Variants in CPNE4 observed in about 807,000 individuals in gnomAD.
CPNE4 encodes copine-4.
CPNE4 carries 25 observed loss-of-function variants against 67.9 expected under a neutral mutation model. The observed-to-expected ratio is 0.37, with a 90% CI of 0.27 to 0.51. The LOEUF (loss-of-function observed/expected upper bound fraction) is 0.51, where lower values mean the gene tolerates loss of function less well. CPNE4 is among the 20% of genes least tolerant of loss of function. The probability of loss-of-function intolerance (pLI) is 0.93; values close to 1 mark genes in which losing one functional copy is unlikely to be tolerated. For missense variants in CPNE4, 464 were observed against 690.8 expected (o/e 0.67, Z 3.68); for synonymous variants, 242 against 244.9 (o/e 0.99, Z 0.11).
chr3:131,614,822 T>G (rs1940046593), intron 7 of CPNE4, among the ~76,000 whole-genome samples: 1 of 152,206 alleles, frequency 6.6e-6, no homozygotes, highest in Admixed American at 6.5e-5. Context: ...ATAGTTACCT[T>G]GTTCTTAATA....
chr3:131,885,526 T>C (rs2107728665), intron 2 of CPNE4, among the ~76,000 whole-genome samples: 1 of 151,674 alleles, frequency 6.6e-6, no homozygotes, highest in African/African-American at 2.4e-5. Context: ...ATATTTTAAA[T>C]TTTTTTTAAT....
intron 2 of CPNE4, among the ~76,000 whole-genome samples, chr3:131,853,602 T>C (rs1200817360): frequency 6.6e-6 from 1 of 151,810 alleles, no homozygotes; most frequent in Non-Finnish European, 1.5e-5. Flanking sequence ...ACTTTTTTTC[T>C]CTTAAAGGCA....
At chr3:131,606,405 T>C (rs1939506178) in intron 7 of CPNE4, among the ~76,000 whole-genome samples, 1 of 152,144 alleles carries the variant, frequency 6.6e-6, no homozygotes, top group Non-Finnish European at 1.5e-5. Context: ...CCACACAAAA[T>C]AGTTTTGCTA....
intron 7 of CPNE4, among the ~76,000 whole-genome samples, chr3:131,665,047 A>C (rs1334645475): frequency 6.6e-6 from 1 of 152,146 alleles, no homozygotes. Flanking sequence ...TGAGTGTCTG[A>C]TACCTTTAGA....
At chr3:131,896,116 T>C (rs1486392993) in intron 2 of CPNE4, among the ~76,000 whole-genome samples, 1 of 152,018 alleles carries the variant, frequency 6.6e-6, no homozygotes. Flanking sequence ...CTGTAATTAT[T>C]CATAATAGCA....
chr3:131,951,013 G>C, intron 1 of CPNE4, among the ~76,000 whole-genome samples: 1 of 152,006 alleles, frequency 6.6e-6, no homozygotes, highest in East Asian at 1.9e-4. Flanking sequence ...GGTTTGTCTT[G>C]GCTATCCTTG....
chr3:131,913,507 A>G (rs1290419410), intron 1 of CPNE4, among the ~76,000 whole-genome samples: 1 of 152,196 alleles, frequency 6.6e-6, no homozygotes, highest in African/African-American at 2.4e-5. Flanking sequence ...AGAATCAGGG[A>G]AGAAGGGACG....
At chr3:131,912,890 T>C (rs2089036130) in intron 1 of CPNE4, among the ~76,000 whole-genome samples, 1 of 152,166 alleles carries the variant, frequency 6.6e-6, no homozygotes, top group Admixed American at 6.5e-5. Context: ...TTGATCCTGC[T>C]AGCCTGCGGA....
intron 7 of CPNE4, among the ~76,000 whole-genome samples, chr3:131,661,645 A>G (rs996832775): frequency 1.3e-5 from 2 of 152,204 alleles, no homozygotes. Flanking sequence ...GGCAGACTGA[A>G]CTATTGACAG....
chr3:131,764,877 T>G (rs1513380), intron 2 of CPNE4, among the ~76,000 whole-genome samples: 79,705 of 151,850 alleles, frequency 0.52, 21,039 homozygotes, highest in South Asian at 0.57. Flanking sequence ...ATTGAAGAGC[T>G]CTGAGATTGT....
At chr3:131,592,468 C>A (rs1938593261) in intron 7 of CPNE4, among the ~76,000 whole-genome samples, 1 of 152,054 alleles carries the variant, frequency 6.6e-6, no homozygotes, top group Non-Finnish European at 1.5e-5. Context: ...CATGACACGA[C>A]AATATTATTA....
At chr3:131,715,628 C>T (rs1391804607) in intron 3 of CPNE4, among the ~76,000 whole-genome samples, 2 of 152,206 alleles carry the variant, frequency 1.3e-5, no homozygotes, top group Non-Finnish European at 1.5e-5. Context: ...AGTATAGCAA[C>T]AGCTTCACCC....
intron 7 of CPNE4, among the ~76,000 whole-genome samples, chr3:131,597,867 T>C (rs1272903398): frequency 6.6e-6 from 1 of 152,208 alleles, no homozygotes; most frequent in East Asian, 1.9e-4. Context: ...CTGAGATTTT[T>C]ATCAAGGTAG....
intron 2 of CPNE4, among the ~76,000 whole-genome samples, chr3:131,825,074 G>T (rs1352693998): frequency 6.6e-6 from 1 of 152,134 alleles, no homozygotes; most frequent in Non-Finnish European, 1.5e-5. Context: ...TCTACTGGGA[G>T]ATTCCTTAGC....
At chr3:131,878,280 C>A (rs190358648) in intron 2 of CPNE4, among the ~76,000 whole-genome samples, 34 of 152,282 alleles carry the variant, frequency 2.2e-4, no homozygotes, top group African/African-American at 7.9e-4. Flanking sequence ...AATGGAACAG[C>A]ATACAGCAAT....
At chr3:131,706,157 G>A (rs1201824437) in intron 3 of CPNE4, among the ~76,000 whole-genome samples, 2 of 152,196 alleles carry the variant, frequency 1.3e-5, no homozygotes, top group African/African-American at 2.4e-5. Flanking sequence ...AATGTTAGCA[G>A]TTCATAGGTC....
In CPNE4 at chr3:131,865,981, C is replaced by T. The variant is rs536148694; in HGVS notation, c.180+39283G>A. Among the ~76,000 whole-genome samples, 7 of 152,290 alleles carry T rather than the reference C, an allele frequency of 4.6e-5. No individual in the cohort carries two copies. The East Asian group carries it at 1.2e-3, about 25-fold the overall frequency. On this transcript the variant is annotated intron_variant, in intron 2 of 15. Transcript: ENST00000429747. ...GCCAATATGGCCAGGCCTTTACAGGCTCACACATCATTTATTGCTTGTGGG... is the reference window on the plus strand; with the variant it reads ...GCCAATATGGCCAGGCCTTTACAGGTTCACACATCATTTATTGCTTGTGGG...
At chr3:132,027,122 C>G (rs2107697454) in intron 1 of CPNE4, among the ~76,000 whole-genome samples, 1 of 152,272 alleles carries the variant, frequency 6.6e-6, no homozygotes, top group South Asian at 2.1e-4. Flanking sequence ...CTACTAGGTA[C>G]CTAGCACTGT....
chr3:131,653,760 GT>G (rs1394112737), intron 7 of CPNE4, among the ~76,000 whole-genome samples: 1 of 152,192 alleles, frequency 6.6e-6, no homozygotes, highest in Non-Finnish European at 1.5e-5. Context: ...ATGCGTTCAA[GT>G]TCTTGGCTTA....
Sources: gnomAD v4.1 joint callset for allele counts (sites outside exome capture counted in the v4.1 genomes callset) on GRCh38, gnomAD v4.1.1 for gene constraint, MANE v1.5 for transcripts, NCBI Gene and HGNC (gene_info 2026-07-23, HGNC 2026-07-21) for gene names.